IGFBP5: variants seen among roughly 807,000 people sequenced by gnomAD.
IGFBP5 encodes insulin like growth factor binding protein 5.
Under a neutral mutation model 28.0 loss-of-function variants are expected in IGFBP5, and 12 were observed. The ratio of observed to expected loss-of-function variants is 0.43; its 90% confidence interval spans 0.27 to 0.69. The LOEUF is 0.69. Ranked by LOEUF, IGFBP5 falls within the 30% of genes least tolerant of loss-of-function variation. IGFBP5 has a pLI of 0.20. For synonymous variants in IGFBP5, 152 were observed against 150.2 expected (o/e 1.01, Z -0.09); for missense variants, 344 against 381.6 (o/e 0.90, Z 0.82).
intron 1 of IGFBP5, among the ~76,000 whole-genome samples, chr2:216,682,962 C>T (rs1350633348): frequency 6.6e-6 from 1 of 151,996 alleles, no homozygotes; most frequent in Non-Finnish European, 1.5e-5. Context: ...CCCGCCTTGG[C>T]CTCCCAAAGA....
chr2:216,688,412 T>G (rs138348476), intron 1 of IGFBP5, among the ~76,000 whole-genome samples: 34 of 152,350 alleles, frequency 2.2e-4, no homozygotes, highest in South Asian at 8.3e-4. Flanking sequence ...TGAAAGGATA[T>G]TTTGGATATA....
intron 1 of IGFBP5, among the ~76,000 whole-genome samples, chr2:216,693,242 T>C (rs1282394490): frequency 1.3e-5 from 2 of 151,978 alleles, no homozygotes; most frequent in Non-Finnish European, 2.9e-5. Context: ...AACAAGTAGC[T>C]GTGTCAATCA....
At chr2:216,681,483 A>G (rs1688977406) in intron 1 of IGFBP5, among the ~76,000 whole-genome samples, 1 of 152,182 alleles carries the variant, frequency 6.6e-6, no homozygotes, top group African/African-American at 2.4e-5. Flanking sequence ...TGGAGAGCCA[A>G]CACATTGTCA....
In IGFBP5 at chr2:216,674,033, G is replaced by A. The variant is rs543957057; in HGVS notation, c.*2718C>T. The A allele has an allele frequency of 6.5e-6, 1 of 152,810 alleles. No individual in the cohort carries two copies. Among genetic ancestry groups the A allele is most frequent in the Admixed American group, 6.5e-5 (1 of 15,306 alleles). The allele number at this position is 152,810 out of a possible 1,614,324, so 9.5% of individuals were successfully genotyped here. ...GCTGGCAGCAAAGAGCCAACGCAAG[G>A]GGCAGAAGCCTGCTCAAAGTCCAGA... On this transcript the variant is annotated 3_prime_UTR_variant, in exon 4 of 4. Transcript: ENST00000233813. This position sits in a 1 kb window ranked among gnomAD's most constrained non-coding sequence, Gnocchi z 4.4.
rs59144401 is a variant in IGFBP5 at position 216,692,362 on chromosome 2, CGTGTGTGTGTGTGTGTGTGTGTGT to C, written c.337+2053_337+2076del. On this transcript the variant is annotated intron_variant, in intron 1 of 3. Transcript: ENST00000233813. The surrounding 1 kb of genome is among the most constrained non-coding windows in gnomAD (Gnocchi z 4.2). ...GGGATCTTGCTTGGGACTGAAGTGT[CGTGTGTGTGTGTGTGTGTGTGTGT>C]GTGTGTGTGTGTGTGTGATGCGCCC... Among the ~76,000 whole-genome samples the C allele has an allele frequency of 4.2e-3, 599 of 142,534 alleles. 1 individual carries two copies. The highest frequency in any genetic ancestry group is 7.3e-3 in the Non-Finnish European group (477 of 64,932). 93.5% of individuals were successfully genotyped at this position (142,534 alleles called of 152,430 possible).
intron 1 of IGFBP5, among the ~76,000 whole-genome samples, chr2:216,685,491 T>G (rs1399083554): frequency 1.3e-5 from 2 of 152,144 alleles, no homozygotes; most frequent in African/African-American, 4.8e-5. Flanking sequence ...TGCCTGGGTA[T>G]GGATGAAAAT....
intron 1 of IGFBP5, among the ~76,000 whole-genome samples, chr2:216,688,628 C>G (rs955382501): frequency 6.6e-6 from 1 of 152,240 alleles, no homozygotes; most frequent in South Asian, 2.1e-4. Flanking sequence ...AACTGGAACC[C>G]ACATTAAACA....
intron 3 of IGFBP5, 130 bp from the exon 4 acceptor site, chr2:216,677,012 C>T: frequency 2.1e-6 from 2 of 967,054 alleles, no homozygotes; most frequent in Non-Finnish European, 3.0e-6. Flanking sequence ...AGACCCGACC[C>T]TTGGGTTTCT....
chr2:216,691,328 G>A (rs1016402756), intron 1 of IGFBP5, among the ~76,000 whole-genome samples: 1 of 152,178 alleles, frequency 6.6e-6, no homozygotes, highest in Non-Finnish European at 1.5e-5. Context: ...TAAACTGAAT[G>A]TCTCACCAGC....
In IGFBP5 at chr2:216,694,902, A is replaced by G; in HGVS notation, c.-127T>C. 1 of 608,750 alleles carries G rather than the reference A, an allele frequency of 1.6e-6. No individual in the cohort carries two copies. Among genetic ancestry groups the G allele is most frequent in the Non-Finnish European group, 2.5e-6 (1 of 405,426 alleles). The allele number at this position is 608,750 out of a possible 1,614,324, so 37.7% of individuals were successfully genotyped here. ...TTGTTTTAAAATTTCTGGCAGGTAG[A>G]GCAGGTGCCCTCCCCCAGACACTTG... On this transcript the variant is annotated 5_prime_UTR_variant, in exon 1 of 4. Transcript: ENST00000233813. The surrounding 1 kb of genome is among the most constrained non-coding windows in gnomAD (Gnocchi z 5.2).
Position 216,674,093 on chromosome 2 carries a change from T to C in IGFBP5, c.*2658A>G, listed in dbSNP as rs2241199. The C allele has an allele frequency of 0.067, 10,242 of 152,806 alleles. 460 individuals carry two copies. Among genetic ancestry groups the C allele is most frequent in the African/African-American group, 0.12 (4,837 of 41,526 alleles). The allele number at this position is 152,806 out of a possible 1,614,324, so 9.5% of individuals were successfully genotyped here. On this transcript the variant is annotated 3_prime_UTR_variant, in exon 4 of 4. Coordinates refer to ENST00000233813, the MANE Select transcript of IGFBP5 (RefSeq NM_000599.4). The surrounding 1 kb of genome is among the most constrained non-coding windows in gnomAD (Gnocchi z 4.4). Reference sequence around the variant, plus strand: ...TGAAGAGAGAGCCCCTCTCAAGAATTAGGTCCAGGCTGGGAGGAATGTGGG... The same window carrying C: ...TGAAGAGAGAGCCCCTCTCAAGAATCAGGTCCAGGCTGGGAGGAATGTGGG...
chr2:216,694,530 G>T lies in IGFBP5; in HGVS notation c.246C>A (p.Pro82=). The change falls in exon 1 of 4, where the codon CCC becomes CCA. Residue 82 remains proline (P), a synonymous_variant. Transcript: ENST00000233813. This position sits in a 1 kb window ranked among gnomAD's most constrained non-coding sequence, Gnocchi z 5.2. ...ERCAQGLRCL[P]RQDEEKPLHA... is the part of the protein sequence containing the mutation. Reference sequence around the variant, plus strand: ...GCAGCGGCTTCTCCTCGTCCTGCCGGGGGAGGCAGCGCAGCCCCTGGGCGC... The same window carrying T: ...GCAGCGGCTTCTCCTCGTCCTGCCGTGGGAGGCAGCGCAGCCCCTGGGCGC... 1 of 1,580,614 alleles carries T rather than the reference G, an allele frequency of 6.3e-7. No individual in the cohort carries two copies. The highest frequency in any genetic ancestry group is 1.2e-5 in the South Asian group (1 of 86,480).
At chr2:216,678,021 G>A in intron 3 of IGFBP5, 91 bp downstream of exon 3, 2 of 1,260,620 alleles carry the variant, frequency 1.6e-6, no homozygotes. Flanking sequence ...GGTTAACGGT[G>A]GAAACCTTAG....
rs748641187 is a variant in IGFBP5, at chr2:216,675,010, T to G, written c.*1741A>C. On this transcript the variant is annotated 3_prime_UTR_variant, in exon 4 of 4. Transcript: ENST00000233813. The stretch of plus-strand genomic sequence containing the variant: ...GCGGCCTGGATTAAGCTCATTTCTA[T>G]TTTGCAACCCATTCCCCCATTTTCC... 9 of 152,246 alleles carry G rather than the reference T, an allele frequency of 5.9e-5. No homozygotes were observed. The highest frequency in any genetic ancestry group is 1.2e-4 in the Non-Finnish European group (8 of 68,062). The allele number at this position is 152,246 out of a possible 1,614,324, so 9.4% of individuals were successfully genotyped here. A position where few individuals can be genotyped will look rare whatever the true frequency, so the allele number is the denominator to read the frequency against.
intron 1 of IGFBP5, among the ~76,000 whole-genome samples, chr2:216,691,644 A>C (rs1281716524): frequency 2.6e-5 from 4 of 151,840 alleles, no homozygotes; most frequent in Non-Finnish European, 4.4e-5. Context: ...CAGCCTAGCA[A>C]AACACCCTCT....
chr2:216,672,881 A>G lies in IGFBP5; in HGVS notation c.*3870T>C, dbSNP rs1355306733. Reference sequence around the variant, plus strand: ...AAGAGAAAATAAAAAGTGGAGAAACAGTGCAATGTAATTCTTGCACTTTAG... The same window carrying G: ...AAGAGAAAATAAAAAGTGGAGAAACGGTGCAATGTAATTCTTGCACTTTAG... On this transcript the variant is annotated 3_prime_UTR_variant, in exon 4 of 4. Transcript: ENST00000233813. 6.5e-6 allele frequency: 1 copy of G among 152,726 alleles called. No individual in the cohort carries two copies. Among genetic ancestry groups the G allele is most frequent in the African/African-American group, 2.4e-5 (1 of 41,478 alleles). The allele number at this position is 152,726 out of a possible 1,614,324, so 9.5% of individuals were successfully genotyped here.
intron 1 of IGFBP5, among the ~76,000 whole-genome samples, chr2:216,690,346 A>G (rs577550654): frequency 6.6e-6 from 1 of 152,206 alleles, no homozygotes; most frequent in East Asian, 1.9e-4. Context: ...GCTCTTTATG[A>G]TCTTCTTCCA....
chr2:216,694,809 G>A lies in IGFBP5; in HGVS notation c.-34C>T. The A allele has an allele frequency of 7.4e-7, 1 of 1,354,694 alleles. No homozygotes were observed. 83.9% of individuals were successfully genotyped at this position (1,354,694 alleles called of 1,614,324 possible). A position where few individuals can be genotyped will look rare whatever the true frequency, so the allele number is the denominator to read the frequency against. On this transcript the variant is annotated 5_prime_UTR_variant, in exon 1 of 4. Coordinates refer to ENST00000233813, the MANE Select transcript of IGFBP5 (RefSeq NM_000599.4). This position sits in a 1 kb window ranked among gnomAD's most constrained non-coding sequence, Gnocchi z 5.2. ...AGTCGCCCCCTTTACCTCGGGGTGGGGCAGGAGAGCGAGAGTGCAGGGATA... is the reference window on the plus strand; with the variant it reads ...AGTCGCCCCCTTTACCTCGGGGTGGAGCAGGAGAGCGAGAGTGCAGGGATA...
intron 3 of IGFBP5, 34 bp downstream of exon 3, chr2:216,678,078 A>G: frequency 1.4e-6 from 2 of 1,387,842 alleles, no homozygotes; most frequent in Non-Finnish European, 1.9e-6. Flanking sequence ...TTTTTGGAGC[A>G]GTCTGAGCCT....
Sources: allele counts gnomAD v4.1 joint callset (sites outside exome capture counted in the v4.1 genomes callset), GRCh38; gene constraint gnomAD v4.1.1; non-coding constraint Gnocchi (gnomAD v3.1); transcripts MANE v1.5; gene names NCBI Gene and HGNC (gene_info 2026-07-23, HGNC 2026-07-21).